The following RASSF8 variants were observed in gnomAD, a reference collection of about 807,000 sequenced individuals.
The protein encoded by RASSF8 is Ras association domain family member 8, also known as ras association domain-containing protein 8.
A neutral mutation model predicts 48.5 loss-of-function variants in RASSF8; 22 were observed. That is an observed-to-expected ratio of 0.45 (90% CI 0.32 to 0.65). RASSF8 has a LOEUF of 0.65. Ranked by LOEUF, RASSF8 falls within the 30% of genes least tolerant of loss-of-function variation. RASSF8 has a pLI of 0.03. For missense variants in RASSF8, 418 were observed against 489.2 expected, an observed-to-expected ratio of 0.85 and a Z score of 1.37; for synonymous variants, 127 against 171.5, an observed-to-expected ratio of 0.74 and a Z score of 2.03.
chr12:25,959,519 CTCGCTTGCCGGGTGGCGGTTTGGTGAA>C (rs1941178289), intron 1 of RASSF8: 1 of 152,250 alleles, frequency 6.6e-6, no homozygotes, highest in Non-Finnish European at 1.5e-5. Context: ...AAATCGGATG[CTCGCTTGCCGGGTGGCGGTTTGGTGAA>C]CGCTTTTCTC....
intron 3 of RASSF8, among the ~76,000 whole-genome samples, chr12:26,059,461 T>G (rs1023497504): frequency 3.3e-5 from 5 of 152,182 alleles, no homozygotes; most frequent in Non-Finnish European, 5.9e-5. Flanking sequence ...TATCTTGAAA[T>G]TTAGAAAACA....
intron 2 of RASSF8, among the ~76,000 whole-genome samples, chr12:26,024,104 A>T (rs1942850459): frequency 6.6e-6 from 1 of 152,222 alleles, no homozygotes. Context: ...TATGTATCAC[A>T]ATAAAGACAC....
chr12:25,961,533 AC>A (rs1402199589), intron 1 of RASSF8, among the ~76,000 whole-genome samples: 1 of 152,140 alleles, frequency 6.6e-6, no homozygotes, highest in Non-Finnish European at 1.5e-5. Flanking sequence ...AAGAATGTTT[AC>A]CCCACTGCCA....
chr12:25,990,653 A>G (rs1329362590), intron 1 of RASSF8, among the ~76,000 whole-genome samples: 3 of 152,222 alleles, frequency 2.0e-5, no homozygotes, highest in African/African-American at 7.2e-5. Context: ...GCGTTTAGCA[A>G]AACTGAATTA....
At position 26,023,888 on chromosome 12, in the gene RASSF8, G is replaced by C. The variant is rs545601578; in HGVS notation, c.-109+28758G>C. 4.6e-5 allele frequency among the ~76,000 whole-genome samples: 7 copies of C among 152,258 alleles called. No homozygotes were observed. The East Asian group carries it at 1.4e-3, about 29-fold the overall frequency. ...GTGATGCAAAGATGTATTGGAATAA[G>C]GAAATTATACCACATGATAAATCCA... On this transcript the variant is annotated intron_variant, in intron 2 of 5. Coordinates refer to ENST00000689635, the MANE Select transcript of RASSF8 (RefSeq NM_001394098.1).
At position 26,043,233 on chromosome 12, in the gene RASSF8, C is replaced by T. The variant is rs116569339; in HGVS notation, c.-108-12003C>T. On this transcript the variant is annotated intron_variant, in intron 2 of 5. Coordinates refer to ENST00000689635, the MANE Select transcript of RASSF8 (RefSeq NM_001394098.1). ...ACACCAAAAAACTGGGGAAAGCTGC[C>T]TGTTGAAGGATGTGCAAAAATTAGC... Among the ~76,000 whole-genome samples the T allele has an allele frequency of 2.7e-3, 408 of 152,300 alleles. 3 individuals carry two copies. The highest frequency in any genetic ancestry group is 9.7e-3 in the African/African-American group (401 of 41,550).
In RASSF8 at chr12:26,021,006, C is replaced by T. The variant is rs1942775214; in HGVS notation, c.-109+25876C>T. 1.3e-5 allele frequency among the ~76,000 whole-genome samples: 2 copies of T among 152,254 alleles called. 1 individual carries two copies. The highest frequency in any genetic ancestry group is 4.1e-4 in the South Asian group (2 of 4,828). On this transcript the variant is annotated intron_variant, in intron 2 of 5. Coordinates refer to ENST00000689635, the MANE Select transcript of RASSF8 (RefSeq NM_001394098.1). The stretch of plus-strand genomic sequence containing the variant: ...AGTATTTGTTTTTTGTTTATCATAA[C>T]TATTGGAATAAAATGTAAAAATCTA...
In RASSF8 at chr12:25,975,099, A is replaced by G. The variant is rs563820399; in HGVS notation, c.-203+15951A>G. Among the ~76,000 whole-genome samples the G allele has an allele frequency of 3.3e-5, 5 of 152,306 alleles. No homozygotes were observed. The South Asian group carries it at 1.0e-3, about 32-fold the overall frequency. ...GGAAAGATCTTCCTAAGTCCACCTG[A>G]GGAAATCAGGGAATGTTAAAGAGGA... On this transcript the variant is annotated intron_variant, in intron 1 of 5. Transcript: ENST00000689635.
At position 26,071,070 on chromosome 12, in the gene RASSF8, A is replaced by G. The variant is rs1259660342; in HGVS notation, c.*2252A>G. 1 of 980,970 alleles carries G rather than the reference A, an allele frequency of 1.0e-6. No homozygotes were observed. Among genetic ancestry groups the G allele is most frequent in the South Asian group, 4.7e-5 (1 of 21,202 alleles). 60.8% of individuals were successfully genotyped at this position (980,970 alleles called of 1,614,324 possible). On this transcript the variant is annotated 3_prime_UTR_variant, in exon 6 of 6. Coordinates refer to ENST00000689635, the MANE Select transcript of RASSF8 (RefSeq NM_001394098.1). Reference sequence around the variant, plus strand: ...AATTACAGATTTAAAAAAATTTCCTAGGCGACGAAAGTATAGAAATGTGAA... The same window carrying G: ...AATTACAGATTTAAAAAAATTTCCTGGGCGACGAAAGTATAGAAATGTGAA...
intron 5 of RASSF8, among the ~76,000 whole-genome samples, chr12:26,067,935 CT>C (rs984120287): frequency 6.6e-6 from 1 of 151,910 alleles, no homozygotes; most frequent in Non-Finnish European, 1.5e-5. Flanking sequence ...GGCTGATTTT[CT>C]TTTTTTGTAT....
chr12:25,960,290 A>G (rs1941200360), intron 1 of RASSF8, among the ~76,000 whole-genome samples: 1 of 152,088 alleles, frequency 6.6e-6, no homozygotes, highest in Non-Finnish European at 1.5e-5. Flanking sequence ...TCATGTTATG[A>G]AGGAACAGAA....
chr12:26,018,613 A>G (rs1014875206), intron 2 of RASSF8, among the ~76,000 whole-genome samples: 1 of 152,178 alleles, frequency 6.6e-6, no homozygotes, highest in Non-Finnish European at 1.5e-5. Flanking sequence ...TAGTTGCGAG[A>G]ACCAGCAGAA....
chr12:26,057,704 C>G (rs1347346760), intron 3 of RASSF8, among the ~76,000 whole-genome samples: 1 of 152,212 alleles, frequency 6.6e-6, no homozygotes, highest in Non-Finnish European at 1.5e-5. Flanking sequence ...AATCGCCACA[C>G]TGTCTTCCAC....
At chr12:25,981,068 T>G (rs576275653) in intron 1 of RASSF8, among the ~76,000 whole-genome samples, 1 of 152,226 alleles carries the variant, frequency 6.6e-6, no homozygotes, top group South Asian at 2.1e-4. Context: ...GGATGCGTCC[T>G]GGTTTGCTGG....
intron 2 of RASSF8, among the ~76,000 whole-genome samples, chr12:26,022,842 A>G (rs759097181): frequency 2.0e-5 from 3 of 152,116 alleles, no homozygotes; most frequent in Non-Finnish European, 2.9e-5. Flanking sequence ...CCCGGGTTCA[A>G]GCAGTTCTCC....
At chr12:25,962,701 G>C (rs910011759) in intron 1 of RASSF8, among the ~76,000 whole-genome samples, 6 of 152,066 alleles carry the variant, frequency 3.9e-5, no homozygotes, top group South Asian at 4.2e-4. Flanking sequence ...TGGGACTACA[G>C]GTGTGTGCCA....
At chr12:26,044,243 T>C (rs1943325801) in intron 2 of RASSF8, among the ~76,000 whole-genome samples, 1 of 152,126 alleles carries the variant, frequency 6.6e-6, no homozygotes, top group South Asian at 2.1e-4. Context: ...TTCCATGAGT[T>C]TCCTGGCAGA....
At position 26,071,198 on chromosome 12, in the gene RASSF8, G is replaced by C; in HGVS notation, c.*2380G>C. ...CTAAGACTCAGAGGGAAAAAAACTC[G>C]TTTTCATAGGATCATCTGAAGATAC... On this transcript the variant is annotated 3_prime_UTR_variant, in exon 6 of 6. Transcript: ENST00000689635. 3.1e-6 allele frequency: 3 copies of C among 979,436 alleles called. No homozygotes were observed. Among genetic ancestry groups the C allele is most frequent in the Middle Eastern group, 1.1e-3 (2 of 1,896 alleles). The allele number at this position is 979,436 out of a possible 1,614,324, so 60.7% of individuals were successfully genotyped here.
At chr12:25,997,843 T>C (rs1351627859) in intron 2 of RASSF8, among the ~76,000 whole-genome samples, 1 of 152,190 alleles carries the variant, frequency 6.6e-6, no homozygotes, top group African/African-American at 2.4e-5. Context: ...ATTATTTTAT[T>C]TCCGTTTTTA....
Sources: allele counts gnomAD v4.1 joint callset (sites outside exome capture counted in the v4.1 genomes callset), GRCh38; gene constraint gnomAD v4.1.1; transcripts MANE v1.5; gene names NCBI Gene and HGNC (gene_info 2026-07-23, HGNC 2026-07-21).